The following MTA1 variants were observed in gnomAD, a reference collection of about 807,000 sequenced individuals.
MTA1 encodes the protein metastasis-associated protein MTA1.
In MTA1, 15 loss-of-function variants were observed where a neutral mutation model predicts 97.0. The ratio of observed to expected loss-of-function variants is 0.15; its 90% CI spans 0.10 to 0.24. The LOEUF is 0.24. MTA1 is among the 10% of genes least tolerant of loss of function. The pLI is 1.00. For missense variants in MTA1, 709 were observed against 1,015.1 expected (o/e 0.70, Z 4.10); for synonymous variants, 435 against 417.5 (o/e 1.04, Z -0.51).
chr14:105,429,119 A>G (rs1255064349), intron 1 of MTA1, among the ~76,000 whole-genome samples: 3 of 151,270 alleles, frequency 2.0e-5, no homozygotes, highest in African/African-American at 7.3e-5. Context: ...CAGCCTCCTC[A>G]CCTCCCTCAG....
chr14:105,420,069 G>A lies in MTA1; in HGVS notation c.28+6G>A. On this transcript the variant is annotated splice_donor_region_variant and intron_variant, in intron 1 of 20. Coordinates refer to ENST00000331320, the MANE Select transcript of MTA1 (RefSeq NM_004689.4). The surrounding 1 kb of genome is among the most constrained non-coding windows in gnomAD (Gnocchi z 5.3). ...CAACATGTACAGGGTCGGAGGTAAG[G>A]CCGCACCGCCTTTATGCCCGGCCCC... 1 of 1,076,618 alleles carries A rather than the reference G, an allele frequency of 9.3e-7. No homozygotes were observed. 66.7% of individuals were successfully genotyped at this position (1,076,618 alleles called of 1,614,324 possible).
At chr14:105,469,177 C>T (rs1555433666) in intron 18 of MTA1, 1 of 622,316 alleles carries the variant, frequency 1.6e-6, no homozygotes, top group Admixed American at 2.1e-5. Context: ...GGGTGGACAG[C>T]CCCGGCCCCT....
chr14:105,464,588 C>G, intron 14 of MTA1, 21 bp downstream of exon 14: 1 of 1,612,130 alleles, frequency 6.2e-7, no homozygotes, highest in Non-Finnish European at 8.5e-7. Context: ...GGACACCCGC[C>G]CTGCCTGCCA....
Position 105,467,096 on chromosome 14 carries a change from C to T in MTA1, c.1813+354C>T, listed in dbSNP as rs587697475. 80 of 440,866 alleles carry T rather than the reference C, an allele frequency of 1.8e-4. 1 individual carries two copies. Among genetic ancestry groups the T allele is most frequent in the South Asian group, 1.5e-3 (72 of 46,720 alleles). 27.3% of individuals were successfully genotyped at this position (440,866 alleles called of 1,614,324 possible). On this transcript the variant is annotated intron_variant, in intron 18 of 20. Coordinates refer to ENST00000331320, the MANE Select transcript of MTA1 (RefSeq NM_004689.4). Reference sequence around the variant, plus strand: ...GCCCGTGCTGTGCCTGCAATCCTTCCGTGCGCCTGCCAGGCGGGACAGTGG... The same window carrying T: ...GCCCGTGCTGTGCCTGCAATCCTTCTGTGCGCCTGCCAGGCGGGACAGTGG...
Position 105,470,179 on chromosome 14 carries a change from G to C in MTA1, c.2112G>C (p.Ala704=). 1 of 1,608,084 alleles carries C rather than the reference G, an allele frequency of 6.2e-7. No individual in the cohort carries two copies. Among genetic ancestry groups the C allele is most frequent in the African/African-American group, 1.3e-5 (1 of 74,904 alleles). ...TGCCGCCGCGGCCACCGCCACCTGCGCCCGTCAACGACGAGCCCATCGTCA... is the reference window on the plus strand; with the variant it reads ...TGCCGCCGCGGCCACCGCCACCTGCCCCCGTCAACGACGAGCCCATCGTCA... The part of the protein sequence containing the change: ...QALPPRPPPP[A]PVNDEPIVIE... Residue 704 remains alanine, a synonymous_variant, in exon 21 of 21, where the codon GCG becomes GCC. Coordinates refer to ENST00000331320, the MANE Select transcript of MTA1 (RefSeq NM_004689.4).
chr14:105,428,469 T>C (rs2082077935), intron 1 of MTA1, among the ~76,000 whole-genome samples: 1 of 152,114 alleles, frequency 6.6e-6, no homozygotes, highest in Admixed American at 6.5e-5. Context: ...TTTTTCGTTA[T>C]GTTGTCTAGG....
In MTA1 at chr14:105,422,414, G is replaced by T. The variant is rs587605468; in HGVS notation, c.28+2351G>T. On this transcript the variant is annotated intron_variant, in intron 1 of 20. Transcript: ENST00000331320. This position sits in a 1 kb window ranked among gnomAD's most constrained non-coding sequence, Gnocchi z 4.3. ...CCTGAGCAGCCTTTGTCCGTCTGTCGCCGGCTGCCTGGCACGGGCTCCATC... is the reference window on the plus strand; with the variant it reads ...CCTGAGCAGCCTTTGTCCGTCTGTCTCCGGCTGCCTGGCACGGGCTCCATC... 6.6e-6 allele frequency among the ~76,000 whole-genome samples: 1 copy of T among 152,098 alleles called. No homozygotes were observed. Among genetic ancestry groups the T allele is most frequent in the South Asian group, 2.1e-4 (1 of 4,820 alleles).
At chr14:105,457,424 A>C (rs1555430135) in intron 7 of MTA1, among the ~76,000 whole-genome samples, 1 of 152,218 alleles carries the variant, frequency 6.6e-6, no homozygotes, top group Non-Finnish European at 1.5e-5. Context: ...GAAGACAGGA[A>C]ACAACTGGTG....
rs146355558 is a variant in MTA1, at chr14:105,447,554, A to T, written c.191-1805A>T. Among the ~76,000 whole-genome samples, 121 of 152,298 alleles carry T rather than the reference A, an allele frequency of 7.9e-4. 4 individuals are homozygous for T. The East Asian group carries it at 0.013, about 17-fold the overall frequency. ...GGTATCAGAGGGCAGGTTTTCCAGAAGGGCCTCGTTGGGGCTGATAGGACT... is the reference window on the plus strand; with the variant it reads ...GGTATCAGAGGGCAGGTTTTCCAGATGGGCCTCGTTGGGGCTGATAGGACT... On this transcript the variant is annotated intron_variant, in intron 3 of 20. Coordinates refer to ENST00000331320, the MANE Select transcript of MTA1 (RefSeq NM_004689.4).
At position 105,460,422 on chromosome 14, in the gene MTA1, A is replaced by G; in HGVS notation, c.718A>G (p.Met240Val). ...SSSVRQPSLH[M>V]SAAAASRDIT... is the part of the protein sequence containing the mutation. ...CTCCGTCCGACAGCCCAGCCTGCACATGAGCGCCGCAGCTGCCTCCCGAGA... is the reference window on the plus strand; with the variant it reads ...CTCCGTCCGACAGCCCAGCCTGCACGTGAGCGCCGCAGCTGCCTCCCGAGA... The change falls in exon 9 of 21, where the codon ATG becomes GTG. Residue 240 changes from methionine to valine, a missense_variant. By Grantham distance (21) the Met-to-Val change is conservative. Transcript: ENST00000331320. 1.2e-6 allele frequency: 2 copies of G among 1,611,564 alleles called. No homozygotes were observed. The highest frequency in any genetic ancestry group is 1.7e-6 in the Non-Finnish European group (2 of 1,179,408).
chr14:105,438,768 G>A, intron 2 of MTA1, 29 bp downstream of exon 2: 1 of 1,610,068 alleles, frequency 6.2e-7, no homozygotes, highest in Non-Finnish European at 8.5e-7. Context: ...GTTGCTGCAG[G>A]GGGGTAGTGG....
rs1248740924 is a variant in MTA1 at position 105,420,310 on chromosome 14, G to C, written c.28+247G>C. On this transcript the variant is annotated intron_variant, in intron 1 of 20. Transcript: ENST00000331320. This position sits in a 1 kb window ranked among gnomAD's most constrained non-coding sequence, Gnocchi z 5.3. ...GGTGGGGGGCGGCCCACCTGTTGGG[G>C]CCGAGGGGGCGGCCGCGGGGGTGGC... is the stretch of plus-strand genomic sequence containing the variant. 6.7e-6 allele frequency among the ~76,000 whole-genome samples: 1 copy of C among 150,360 alleles called. No homozygotes were observed. Among genetic ancestry groups the C allele is most frequent in the Non-Finnish European group, 1.5e-5 (1 of 67,274 alleles).
chr14:105,462,026 G>A (rs2083367319), intron 10 of MTA1, among the ~76,000 whole-genome samples: 1 of 152,270 alleles, frequency 6.6e-6, no homozygotes, highest in East Asian at 1.9e-4. Context: ...CATGGTTCCA[G>A]CGGAGGAGAC....
rs998553786 is a variant in MTA1 at position 105,424,492 on chromosome 14, C to T, written c.28+4429C>T. Among the ~76,000 whole-genome samples, 4 of 147,714 alleles carry T rather than the reference C, an allele frequency of 2.7e-5. No homozygotes were observed. The highest frequency in any genetic ancestry group is 4.0e-4 in the East Asian group (2 of 4,966). ...TTGGGATTACAGGCGTGAGCCACTGCGTCTGGCTTTTTTTTTTGTTTTTGA... is the reference window on the plus strand; with the variant it reads ...TTGGGATTACAGGCGTGAGCCACTGTGTCTGGCTTTTTTTTTTGTTTTTGA... On this transcript the variant is annotated intron_variant, in intron 1 of 20. Transcript: ENST00000331320. This position sits in a 1 kb window ranked among gnomAD's most constrained non-coding sequence, Gnocchi z 4.0.
chr14:105,458,155 G>A, intron 7 of MTA1, 115 bp from the exon 8 acceptor site: 1 of 792,558 alleles, frequency 1.3e-6, no homozygotes, highest in South Asian at 1.6e-5. Flanking sequence ...CACCTATGGG[G>A]CCCTGCAGCC....
At chr14:105,426,589 C>T (rs1222897262) in intron 1 of MTA1, among the ~76,000 whole-genome samples, 1 of 152,140 alleles carries the variant, frequency 6.6e-6, no homozygotes, top group Non-Finnish European at 1.5e-5. Context: ...CCCATTCCTC[C>T]AGGAGACACA....
At chr14:105,465,031 G>A (rs1192352296) in intron 15 of MTA1, 63 bp from the exon 16 acceptor site, 9 of 1,446,494 alleles carry the variant, frequency 6.2e-6, no homozygotes, top group Middle Eastern at 2.5e-4. Flanking sequence ...AGGTCAAGGC[G>A]CAGGCAGGGT....
chr14:105,422,777 A>G lies in MTA1; in HGVS notation c.28+2714A>G, dbSNP rs1251852337. Among the ~76,000 whole-genome samples the G allele has an allele frequency of 6.6e-6, 1 of 152,186 alleles. No individual in the cohort carries two copies. Among genetic ancestry groups the G allele is most frequent in the African/African-American group, 2.4e-5 (1 of 41,454 alleles). On this transcript the variant is annotated intron_variant, in intron 1 of 20. Transcript: ENST00000331320. This position sits in a 1 kb window ranked among gnomAD's most constrained non-coding sequence, Gnocchi z 4.3. The stretch of plus-strand genomic sequence containing the variant: ...GGTGTGGTGGCAGTATTTTTGTGCC[A>G]GCTGAGCTGGGTGAAGTGGTGAGCA...
At chr14:105,438,970 A>G (rs1259496292) in intron 2 of MTA1, among the ~76,000 whole-genome samples, 1 of 152,130 alleles carries the variant, frequency 6.6e-6, no homozygotes, top group Non-Finnish European at 1.5e-5. Flanking sequence ...AGCTGCCCTG[A>G]GCTGCCTGCC....
Sources: allele counts gnomAD v4.1 joint callset (sites outside exome capture counted in the v4.1 genomes callset), GRCh38; gene constraint gnomAD v4.1.1; non-coding constraint Gnocchi (gnomAD v3.1); transcripts MANE v1.5; gene names NCBI Gene and HGNC (gene_info 2026-07-23, HGNC 2026-07-21).